The following CECR2 variants were observed in gnomAD, a reference collection of about 807,000 sequenced individuals.
The protein encoded by CECR2 is chromatin remodeling regulator CECR2.
Under a neutral mutation model 154.5 loss-of-function variants are expected in CECR2, and 30 were observed. The ratio of observed to expected loss-of-function variants is 0.19; its 90% confidence interval spans 0.15 to 0.26. The LOEUF is 0.26. Among genes scored for constraint, CECR2 ranks in the 10% least tolerant of loss-of-function variants. The pLI, the probability that CECR2 is intolerant of heterozygous loss-of-function variation, is 1.00. For synonymous variants in CECR2, 725 were observed against 683.7 expected (o/e 1.06, Z -0.94); for missense variants, 1,743 against 1,829.3 (o/e 0.95, Z 0.86).
rs1039388381 is a variant in CECR2, at chr22:17,538,775, C to T, written c.1368+44C>T. The T allele has an allele frequency of 2.6e-6, 4 of 1,511,652 alleles. No individual in the cohort carries two copies. In the East Asian group the frequency reaches 6.8e-5, roughly 26 times the overall value. 93.6% of individuals were successfully genotyped at this position (1,511,652 alleles called of 1,614,324 possible). On this transcript the variant is annotated intron_variant, in intron 12 of 18. Transcript: ENST00000262608. ...GTAATGCCTACTATAGTGTGTATAT[C>T]TTTCTTGGGTTTTGTTGTTTGTTTG...
At chr22:17,524,923 T>A in intron 9 of CECR2, 1 of 396,460 alleles carries the variant, frequency 2.5e-6, no homozygotes, top group Non-Finnish European at 5.1e-6. Flanking sequence ...CGCCTCGGCC[T>A]CCCAAAGTGC....
At chr22:17,377,710 A>G (rs1333134621) in intron 1 of CECR2, among the ~76,000 whole-genome samples, 1 of 152,156 alleles carries the variant, frequency 6.6e-6, no homozygotes, top group Non-Finnish European at 1.5e-5. Flanking sequence ...CCATATTTGC[A>G]TATTTCATGG....
intron 2 of CECR2, among the ~76,000 whole-genome samples, chr22:17,491,956 A>G (rs901320142): frequency 3.1e-4 from 47 of 152,168 alleles, no homozygotes; most frequent in African/African-American, 1.0e-3. Flanking sequence ...TATGTGGGAT[A>G]TAGTAGCTAT....
intron 2 of CECR2, among the ~76,000 whole-genome samples, chr22:17,487,772 C>A (rs1404029318): frequency 6.6e-6 from 1 of 152,116 alleles, no homozygotes; most frequent in East Asian, 1.9e-4. Flanking sequence ...CTTTATAGAA[C>A]GCAGACTGAT....
chr22:17,477,363 G>A (rs1032522329), intron 1 of CECR2, among the ~76,000 whole-genome samples: 3 of 152,162 alleles, frequency 2.0e-5, no homozygotes, highest in Admixed American at 6.5e-5. Flanking sequence ...AGAGGAATGG[G>A]GTTGGGGAGG....
At chr22:17,503,232 T>C in intron 6 of CECR2, 101 bp downstream of exon 6, 2 of 1,092,718 alleles carry the variant, frequency 1.8e-6, no homozygotes, top group South Asian at 1.4e-5. Flanking sequence ...TAAAGGTTAT[T>C]GCAATAGCCT....
chr22:17,535,460 C>A (rs1207141611), intron 9 of CECR2, among the ~76,000 whole-genome samples: 1 of 152,104 alleles, frequency 6.6e-6, no homozygotes, highest in East Asian at 1.9e-4. Context: ...TACACACATG[C>A]TTGAGAAGAC....
intron 1 of CECR2, among the ~76,000 whole-genome samples, chr22:17,390,333 C>G (rs1299721184): frequency 6.6e-6 from 1 of 152,186 alleles, no homozygotes; most frequent in African/African-American, 2.4e-5. Flanking sequence ...GCCCTTGGTG[C>G]ATAGTATCAG....
intron 7 of CECR2, 44 bp from the exon 8 acceptor site, chr22:17,511,769 C>A: frequency 6.5e-7 from 1 of 1,549,844 alleles, no homozygotes; most frequent in South Asian, 1.1e-5. Context: ...GTTGAGAACA[C>A]CCTAATCTAT....
intron 1 of CECR2, among the ~76,000 whole-genome samples, chr22:17,372,843 G>A (rs2063076327): frequency 2.0e-5 from 3 of 152,116 alleles, no homozygotes; most frequent in Admixed American, 6.6e-5. Flanking sequence ...CCAGTTTTCA[G>A]CTGTGGGAAA....
Position 17,548,605 on chromosome 22 carries a change from C to G in CECR2, c.3318C>G (p.Pro1106=). Residue 1106 remains proline, a synonymous_variant, in exon 17 of 19, where the codon CCC becomes CCG. Transcript: ENST00000262608. ...CAGCGACACCGCCCAGCACAGACCCCGGTTTGACGGGAGGCACTGTGAGCC... is the reference window on the plus strand; with the variant it reads ...CAGCGACACCGCCCAGCACAGACCCGGGTTTGACGGGAGGCACTGTGAGCC... ...QNAATPPSTD[P]GLTGGTVSQF... 1 of 1,613,410 alleles carries G rather than the reference C, an allele frequency of 6.2e-7. No individual in the cohort carries two copies. Among genetic ancestry groups the G allele is most frequent in the Non-Finnish European group, 8.5e-7 (1 of 1,179,694 alleles).
At chr22:17,414,218 C>T (rs961468853) in intron 1 of CECR2, among the ~76,000 whole-genome samples, 2 of 152,088 alleles carry the variant, frequency 1.3e-5, no homozygotes, top group African/African-American at 2.4e-5. Flanking sequence ...GTGATCCGCC[C>T]GCCTTGGCCT....
chr22:17,528,514 A>G (rs1041941789), intron 9 of CECR2, among the ~76,000 whole-genome samples: 7 of 151,960 alleles, frequency 4.6e-5, no homozygotes, highest in Non-Finnish European at 8.8e-5. Context: ...GCAGAGAAGT[A>G]TGGCTTTTTT....
chr22:17,505,027 C>G lies in CECR2; in HGVS notation c.870+11C>G, dbSNP rs776535876. On this transcript the variant is annotated intron_variant, in intron 7 of 18. Transcript: ENST00000262608. ...ATGATCGCCCAGAAGGTGCGCCACA[C>G]TCTCTGCTCTGTCCTCCTCAGTGTT... 6.2e-7 allele frequency: 1 copy of G among 1,612,046 alleles called. No homozygotes were observed. Among genetic ancestry groups the G allele is most frequent in the Middle Eastern group, 1.7e-4 (1 of 6,056 alleles).
intron 1 of CECR2, among the ~76,000 whole-genome samples, chr22:17,374,178 T>A (rs1344530402): frequency 6.6e-6 from 1 of 152,204 alleles, no homozygotes; most frequent in Non-Finnish European, 1.5e-5. Flanking sequence ...CCTGTCTACC[T>A]TTTTTCCTGA....
chr22:17,450,258 A>C (rs2054747025), intron 1 of CECR2, among the ~76,000 whole-genome samples: 1 of 152,154 alleles, frequency 6.6e-6, no homozygotes, highest in East Asian at 1.9e-4. Flanking sequence ...TTTAATGGGA[A>C]AAAGTAATAT....
chr22:17,511,750 G>C (rs1471547510), intron 7 of CECR2, 63 bp from the exon 8 acceptor site: 5 of 1,378,770 alleles, frequency 3.6e-6, no homozygotes, highest in Non-Finnish European at 4.1e-6. Flanking sequence ...AGCAGCAGCA[G>C]CATCAGTAGT....
In CECR2 at chr22:17,548,255, A is replaced by C. The variant is rs1370490767; in HGVS notation, c.2968A>C (p.Thr990Pro). 2 of 1,604,366 alleles carry C rather than the reference A, an allele frequency of 1.2e-6. No individual in the cohort carries two copies. Among genetic ancestry groups the C allele is most frequent in the Non-Finnish European group, 1.7e-6 (2 of 1,175,492 alleles). ...CACACCTCCCCTGCAGACTGACTGCACCAGGCAGAGCTCACCACAAGAAAG... is the reference window on the plus strand; with the variant it reads ...CACACCTCCCCTGCAGACTGACTGCCCCAGGCAGAGCTCACCACAAGAAAG... ...HPTPPLQTDCTRQSSPQERET... is the reference protein window; with the variant it reads ...HPTPPLQTDCPRQSSPQERET... The change falls in exon 17 of 19, where the codon ACC becomes CCC. Residue 990 changes from threonine (T) to proline (P), a missense_variant. Coordinates refer to ENST00000262608, the MANE Select transcript of CECR2 (RefSeq NM_001290047.2).
intron 1 of CECR2, chr22:17,424,889 A>G (rs368420339): frequency 6.6e-6 from 1 of 152,232 alleles, no homozygotes; most frequent in African/African-American, 2.4e-5. Flanking sequence ...TGCCCTAGAC[A>G]TTAATGTAAG....
Sources: allele counts gnomAD v4.1 joint callset (sites outside exome capture counted in the v4.1 genomes callset), GRCh38; gene constraint gnomAD v4.1.1; transcripts MANE v1.5; gene names NCBI Gene and HGNC (gene_info 2026-07-23, HGNC 2026-07-21).